Variants in SEMA3D observed in about 807,000 individuals in gnomAD.
The protein encoded by SEMA3D is semaphorin-3D.
In SEMA3D, 84 loss-of-function variants were observed where a neutral mutation model predicts 100.1. The ratio of observed to expected loss-of-function variants is 0.84; its 90% CI spans 0.70 to 1.01. The LOEUF (loss-of-function observed/expected upper bound fraction) is 1.01, where lower values mean the gene tolerates loss of function less well. Ranked by LOEUF, SEMA3D falls within the 50% of genes least tolerant of loss-of-function variation. The pLI is 0.00. For missense variants in SEMA3D, 875 were observed against 934.1 expected (o/e 0.94, Z 0.82); for synonymous variants, 312 against 320.7 (o/e 0.97, Z 0.29).
chr7:85,109,498 A>T (rs1192409704), intron 3 of SEMA3D, among the ~76,000 whole-genome samples: 1 of 151,932 alleles, frequency 6.6e-6, no homozygotes, highest in African/African-American at 2.4e-5. Context: ...CTTAATTTCC[A>T]AACTGTTTCT....
chr7:85,030,640 A>T (rs1790522445), intron 12 of SEMA3D, among the ~76,000 whole-genome samples: 1 of 152,058 alleles, frequency 6.6e-6, no homozygotes, highest in Non-Finnish European at 1.5e-5. Flanking sequence ...TTAAAACTGA[A>T]ACTCACTTTT....
At chr7:85,065,284 G>T in intron 8 of SEMA3D, 140 bp downstream of exon 8, 1 of 737,308 alleles carries the variant, frequency 1.4e-6, no homozygotes, top group Non-Finnish European at 2.1e-6. Flanking sequence ...TTTTCTTAGT[G>T]GGGAATTATT....
intron 2 of SEMA3D, chr7:85,151,812 A>T (rs914500594): frequency 5.3e-6 from 4 of 748,640 alleles, no homozygotes; most frequent in East Asian, 2.6e-4. Context: ...CTATTTTAAA[A>T]TTCCAAATTT....
rs545667383 is a variant in SEMA3D at position 85,042,223 on chromosome 7, C to T, written c.924G>A (p.Leu308=). 4.6e-5 allele frequency: 74 copies of T among 1,613,470 alleles called. 1 individual carries two copies. The highest frequency in any genetic ancestry group is 5.4e-5 in the Non-Finnish European group (64 of 1,179,720). Residue 308 remains leucine (L), a synonymous_variant, in exon 10 of 19, where the codon CTG becomes CTA. Transcript: ENST00000284136. ...CATCACTTCCAGGAATTGAGCAAAT[C>T]AGTCTGGCCTTAAGAAAAGTCGTCC... ...NKWTTFLKAR[L]ICSIPGSDGA... is the part of the protein sequence containing the mutation.
intron 1 of SEMA3D, among the ~76,000 whole-genome samples, chr7:85,170,530 T>G (rs1292478785): frequency 6.6e-6 from 1 of 151,948 alleles, no homozygotes; most frequent in East Asian, 1.9e-4. Context: ...GCAGAGTGAT[T>G]TGAATATAGA....
Position 85,084,729 on chromosome 7 carries a change from G to T in SEMA3D, c.313-3150C>A, listed in dbSNP as rs1014253690. Among the ~76,000 whole-genome samples, 21 of 152,030 alleles carry T rather than the reference G, an allele frequency of 1.4e-4. 1 individual carries two copies. The highest frequency in any genetic ancestry group is 3.4e-3 in the Middle Eastern group (1 of 292). ...CACCCAGGTATTAAGCCTAGTACACGTTAGTTATTTTTTCTGATTCTCTCC... is the reference window on the plus strand; with the variant it reads ...CACCCAGGTATTAAGCCTAGTACACTTTAGTTATTTTTTCTGATTCTCTCC... On this transcript the variant is annotated intron_variant, in intron 4 of 18. Coordinates refer to ENST00000284136, the MANE Select transcript of SEMA3D (RefSeq NM_001384900.1).
intron 12 of SEMA3D, among the ~76,000 whole-genome samples, chr7:85,025,735 G>T (rs2115873666): frequency 6.6e-6 from 1 of 152,090 alleles, no homozygotes; most frequent in African/African-American, 2.4e-5. Context: ...AAATGCAAAT[G>T]TAACAGTTGC....
chr7:85,162,194 G>A (rs553535705), intron 1 of SEMA3D, among the ~76,000 whole-genome samples: 4 of 152,150 alleles, frequency 2.6e-5, no homozygotes, highest in Admixed American at 6.6e-5. Flanking sequence ...CCAAAGTCAA[G>A]TAGAAAGAAG....
intron 12 of SEMA3D, chr7:85,028,857 C>A: frequency 4.2e-6 from 1 of 238,912 alleles, no homozygotes; most frequent in South Asian, 6.7e-5. Flanking sequence ...TAATTGTATC[C>A]CCAAGATTTA....
chr7:85,034,958 C>T (rs932312467), intron 12 of SEMA3D, among the ~76,000 whole-genome samples: 1 of 151,994 alleles, frequency 6.6e-6, no homozygotes, highest in Non-Finnish European at 1.5e-5. Context: ...TGCAGCAATC[C>T]TACTTCAGGA....
chr7:85,101,884 T>A (rs2116329596), intron 3 of SEMA3D, among the ~76,000 whole-genome samples: 1 of 152,170 alleles, frequency 6.6e-6, no homozygotes, highest in Admixed American at 6.6e-5. Flanking sequence ...ATGTATCTTA[T>A]CTTCCATTAA....
At chr7:85,062,442 A>C (rs2116124488) in intron 8 of SEMA3D, among the ~76,000 whole-genome samples, 1 of 152,280 alleles carries the variant, frequency 6.6e-6, no homozygotes, top group South Asian at 2.1e-4. Context: ...TCAAGGAAGT[A>C]AAAGCTCTTA....
Position 84,995,899 on chromosome 7 carries a change from C to A in SEMA3D, c.*3541G>T, listed in dbSNP as rs977152117. On this transcript the variant is annotated 3_prime_UTR_variant, in exon 19 of 19. Transcript: ENST00000284136. The stretch of plus-strand genomic sequence containing the variant: ...TGGGAATCGATTTTATTTTACCTGA[C>A]TTGTAAGATGAATTATTTAAAATTG... 1.3e-5 allele frequency: 2 copies of A among 151,614 alleles called. No individual in the cohort carries two copies. The highest frequency in any genetic ancestry group is 6.6e-5 in the Admixed American group (1 of 15,212). 9.4% of individuals were successfully genotyped at this position (151,614 alleles called of 1,614,324 possible). A position where few individuals can be genotyped will look rare whatever the true frequency, so the allele number is the denominator to read the frequency against.
rs180944264 is a variant in SEMA3D, at chr7:85,141,195, T to C, written c.-41+12413A>G. On this transcript the variant is annotated intron_variant, in intron 2 of 18. Coordinates refer to ENST00000284136, the MANE Select transcript of SEMA3D (RefSeq NM_001384900.1). ...AGTTGCAGCACTATCATTTTTAATATAGCACACATATTAACCCCCTCTCTT... is the reference window on the plus strand; with the variant it reads ...AGTTGCAGCACTATCATTTTTAATACAGCACACATATTAACCCCCTCTCTT... 99 of 983,616 alleles carry C rather than the reference T, an allele frequency of 1.0e-4. No homozygotes were observed. In the Admixed American group the frequency reaches 1.7e-3, roughly 17 times the overall value. The allele number at this position is 983,616 out of a possible 1,614,324, so 60.9% of individuals were successfully genotyped here. A position where few individuals can be genotyped will look rare whatever the true frequency, so the allele number is the denominator to read the frequency against.
Position 85,015,078 on chromosome 7 carries a change from A to T in SEMA3D, c.1684T>A (p.Tyr562Asn), listed in dbSNP as rs1258939833. 1 of 1,611,402 alleles carries T rather than the reference A, an allele frequency of 6.2e-7. No individual in the cohort carries two copies. The highest frequency in any genetic ancestry group is 1.3e-5 in the African/African-American group (1 of 74,732). ...CAWDGNACSR[Y>N]APTSKRRARR... is the part of the protein sequence containing the mutation. ...TCTTACCTTTTAGAAGTAGGAGCAT[A>T]TCGAGAGCATGCATTTCCATCCCAG... is the stretch of plus-strand genomic sequence containing the variant. The change falls in exon 16 of 19, where the codon TAT becomes AAT. Residue 562 changes from tyrosine to asparagine, a missense_variant. By Grantham distance (143) the Tyr-to-Asn change is moderately radical. Coordinates refer to ENST00000284136, the MANE Select transcript of SEMA3D (RefSeq NM_001384900.1).
chr7:85,181,680 G>C (rs1791414325), intron 1 of SEMA3D: 1 of 513,384 alleles, frequency 1.9e-6, no homozygotes, highest in Non-Finnish European at 2.5e-6. Context: ...TCCTTCCAAA[G>C]AGTACAGCAT....
At chr7:85,174,873 C>T (rs942072446) in intron 1 of SEMA3D, among the ~76,000 whole-genome samples, 1 of 151,704 alleles carries the variant, frequency 6.6e-6, no homozygotes, top group African/African-American at 2.4e-5. Context: ...AACTGTAGAC[C>T]CATATGCCTG....
intron 8 of SEMA3D, among the ~76,000 whole-genome samples, chr7:85,060,527 G>T (rs1292511913): frequency 1.3e-5 from 2 of 151,590 alleles, no homozygotes; most frequent in South Asian, 2.1e-4. Context: ...TCTCCATTTG[G>T]CACTTGAGTA....
At chr7:85,231,610 C>T in the SEMA3D span, among the ~76,000 whole-genome samples, 2 of 152,108 alleles carry the variant, frequency 1.3e-5, no homozygotes, top group East Asian at 1.9e-4. Flanking sequence ...GCCACCACAC[C>T]CGGCTAATTT....
Sources: gnomAD v4.1 joint callset for allele counts (sites outside exome capture counted in the v4.1 genomes callset) on GRCh38, gnomAD v4.1.1 for gene constraint, MANE v1.5 for transcripts, NCBI Gene and HGNC (gene_info 2026-07-23, HGNC 2026-07-21) for gene names.